Variants in NFATC2 observed in about 807,000 individuals in gnomAD.
The protein encoded by NFATC2 is nuclear factor of activated T-cells, cytoplasmic 2.
In NFATC2, 22 loss-of-function variants were observed where a neutral mutation model predicts 87.3. The ratio of observed to expected loss-of-function variants is 0.25; its 90% CI spans 0.18 to 0.36. The LOEUF is 0.36. NFATC2 is among the 10% of genes least tolerant of loss of function. The pLI, the probability that NFATC2 is intolerant of heterozygous loss-of-function variation, is 1.00. For missense variants in NFATC2, 1,149 were observed against 1,259.1 expected, an observed-to-expected ratio of 0.91 and a Z score of 1.32; for synonymous variants, 565 against 542.2, an observed-to-expected ratio of 1.04 and a Z score of -0.58.
intron 3 of NFATC2, among the ~76,000 whole-genome samples, chr20:51,487,007 A>G (rs1004261285): frequency 2.0e-5 from 3 of 152,212 alleles, no homozygotes; most frequent in Non-Finnish European, 4.4e-5. Context: ...ATGGCGAGGG[A>G]AAAGTGAGGC....
At chr20:51,541,736 C>T (rs1404991887) in intron 1 of NFATC2, among the ~76,000 whole-genome samples, 1 of 152,120 alleles carries the variant, frequency 6.6e-6, no homozygotes, top group East Asian at 1.9e-4. Flanking sequence ...CAGCAGAACC[C>T]AGGGAGGAAA....
chr20:51,528,503 C>T (rs746148230), intron 1 of NFATC2, among the ~76,000 whole-genome samples: 5 of 151,986 alleles, frequency 3.3e-5, no homozygotes, highest in Non-Finnish European at 7.3e-5. Flanking sequence ...GACAGATGTA[C>T]ACACACATAT....
At chr20:51,532,409 G>A (rs570415435) in intron 1 of NFATC2, among the ~76,000 whole-genome samples, 1 of 152,066 alleles carries the variant, frequency 6.6e-6, no homozygotes, top group African/African-American at 2.4e-5. Flanking sequence ...GGGAAGCAAG[G>A]ATCCCCCCCG....
Position 51,391,471 on chromosome 20 carries a change from G to GT in NFATC2, c.*45-21_*45-20insA, listed in dbSNP as rs759828148. 3.5e-4 allele frequency: 558 copies of GT among 1,579,194 alleles called. 2 individuals are homozygous for GT. Among genetic ancestry groups the GT allele is most frequent in the East Asian group, 1.1e-4 (5 of 44,494 alleles). On this transcript the variant is annotated intron_variant, in intron 10 of 10. Coordinates refer to ENST00000371564, the MANE Select transcript of NFATC2 (RefSeq NM_012340.5). Reference sequence around the variant, plus strand: ...CATTAACTACAAAAGAAAAGAGGAGGGGGGGGGAGAGAGAATGGGGCAAGT... The same window carrying GT: ...CATTAACTACAAAAGAAAAGAGGAGGTGGGGGGGAGAGAGAATGGGGCAAGT...
intron 5 of NFATC2, among the ~76,000 whole-genome samples, chr20:51,456,044 ATGGGTGGATGGATGGGTGGG>A: frequency 1.4e-5 from 1 of 71,606 alleles, no homozygotes; most frequent in Non-Finnish European, 2.6e-5. Flanking sequence ...GGATGGGTGG[ATGGGTGGATGGATGGGTGGG>A]TGGGTGGATG....
chr20:51,470,784 T>C (rs1171258153), intron 5 of NFATC2, among the ~76,000 whole-genome samples: 1 of 152,192 alleles, frequency 6.6e-6, no homozygotes, highest in Non-Finnish European at 1.5e-5. Flanking sequence ...CAGTAAGTAG[T>C]CAATACATAT....
intron 1 of NFATC2, among the ~76,000 whole-genome samples, chr20:51,547,830 C>G (rs1032659415): frequency 2.0e-5 from 3 of 152,122 alleles, no homozygotes; most frequent in Non-Finnish European, 2.9e-5. Flanking sequence ...CCAAATGTAA[C>G]CCAAAGCCAC....
intron 3 of NFATC2, among the ~76,000 whole-genome samples, chr20:51,479,454 C>CA (rs373226167): frequency 1.4e-3 from 209 of 152,082 alleles, no homozygotes; most frequent in African/African-American, 3.9e-3. Context: ...CCGTCTCCAC[C>CA]AAAAAAATGC....
chr20:51,398,136 A>G (rs917561876), intron 10 of NFATC2, among the ~76,000 whole-genome samples: 3 of 143,950 alleles, frequency 2.1e-5, no homozygotes, highest in Non-Finnish European at 3.0e-5. Context: ...AGCCACAACA[A>G]GGAAGCCCCC....
rs552466914 is a variant in NFATC2 at position 51,492,486 on chromosome 20, C to T, written c.1333-16826G>A. 2.6e-5 allele frequency among the ~76,000 whole-genome samples: 4 copies of T among 152,364 alleles called. No individual in the cohort carries two copies. In the East Asian group the frequency reaches 5.8e-4, roughly 22 times the overall value. On this transcript the variant is annotated intron_variant, in intron 3 of 10. Coordinates refer to ENST00000371564, the MANE Select transcript of NFATC2 (RefSeq NM_012340.5). ...GTTGGAAAACAAACAACAAAAACCC[C>T]GCCCAGCCTCATTTAATGCGAACCA... is the stretch of plus-strand genomic sequence containing the variant.
chr20:51,495,878 C>T (rs546606628), intron 3 of NFATC2, among the ~76,000 whole-genome samples: 2 of 152,302 alleles, frequency 1.3e-5, no homozygotes, highest in Non-Finnish European at 2.9e-5. Flanking sequence ...TGGATCAGAG[C>T]GGACTCCCAT....
intron 6 of NFATC2, among the ~76,000 whole-genome samples, chr20:51,445,687 A>C (rs1041198728): frequency 6.6e-6 from 1 of 152,168 alleles, no homozygotes; most frequent in Non-Finnish European, 1.5e-5. Context: ...TCCCCATCTG[A>C]AAGTGTCCTG....
rs1368835310 is a variant in NFATC2, at chr20:51,432,797, G to A, written c.2033-41C>T. ...AGCACATAGGGGCGCCCATGGCAGT[G>A]AGCCACGGATGTGCACGGAGGATTC... is the stretch of plus-strand genomic sequence containing the variant. On this transcript the variant is annotated intron_variant, in intron 8 of 10. Coordinates refer to ENST00000371564, the MANE Select transcript of NFATC2 (RefSeq NM_012340.5). The surrounding 1 kb of genome is among the most constrained non-coding windows in gnomAD (Gnocchi z 4.6). The A allele has an allele frequency of 1.3e-6, 2 of 1,503,382 alleles. No individual in the cohort carries two copies. Among genetic ancestry groups the A allele is most frequent in the Middle Eastern group, 2.4e-4 (1 of 4,176 alleles). 93.1% of individuals were successfully genotyped at this position (1,503,382 alleles called of 1,614,324 possible).
chr20:51,524,118 G>T lies in NFATC2; in HGVS notation c.131-8C>A. ...TATGTGCATTCGGCTCTTCTGGAAA[G>T]AGAAGGGGGAAGGGGGTTCTTTTTA... On this transcript the variant is annotated splice_polypyrimidine_tract_variant and splice_region_variant and intron_variant, in intron 1 of 10. Coordinates refer to ENST00000371564, the MANE Select transcript of NFATC2 (RefSeq NM_012340.5). The surrounding 1 kb of genome is among the most constrained non-coding windows in gnomAD (Gnocchi z 4.0). The T allele has an allele frequency of 1.4e-6, 2 of 1,448,492 alleles. No homozygotes were observed. The highest frequency in any genetic ancestry group is 1.8e-6 in the Non-Finnish European group (2 of 1,102,772). 89.7% of individuals were successfully genotyped at this position (1,448,492 alleles called of 1,614,324 possible).
intron 9 of NFATC2, among the ~76,000 whole-genome samples, chr20:51,409,063 T>G (rs1210667068): frequency 6.6e-6 from 1 of 152,186 alleles, no homozygotes; most frequent in African/African-American, 2.4e-5. Flanking sequence ...AGTGAAAAAA[T>G]TTAACTGTCT....
At position 51,399,854 on chromosome 20, in the gene NFATC2, A is replaced by T. The variant is rs114935254; in HGVS notation, c.2723-1124T>A. Among the ~76,000 whole-genome samples, 253 of 152,320 alleles carry T rather than the reference A, an allele frequency of 1.7e-3. 1 individual carries two copies. The highest frequency in any genetic ancestry group is 5.8e-3 in the African/African-American group (241 of 41,566). ...GTCGGATAATTCACTCAGGGCCTTA[A>T]AATACCACCTCTATCCTGACGATGG... On this transcript the variant is annotated intron_variant, in intron 9 of 10. Transcript: ENST00000371564.
intron 3 of NFATC2, among the ~76,000 whole-genome samples, chr20:51,501,147 T>A (rs1033337057): frequency 6.6e-6 from 1 of 151,936 alleles, no homozygotes; most frequent in East Asian, 2.0e-4. Context: ...GGCACTTTCA[T>A]GCAGCTTCAC....
At chr20:51,489,532 A>T (rs1190831453) in intron 3 of NFATC2, among the ~76,000 whole-genome samples, 1 of 152,240 alleles carries the variant, frequency 6.6e-6, no homozygotes, top group South Asian at 2.1e-4. Context: ...GCCCATCAGC[A>T]TCACATCAAG....
chr20:51,481,768 G>A lies in NFATC2; in HGVS notation c.1333-6108C>T, dbSNP rs747917166. Among the ~76,000 whole-genome samples, 6 of 152,158 alleles carry A rather than the reference G, an allele frequency of 3.9e-5. No homozygotes were observed. In the South Asian group the frequency reaches 6.2e-4, roughly 16 times the overall value. On this transcript the variant is annotated intron_variant, in intron 3 of 10. Transcript: ENST00000371564. ...TGTCAACTCAGCTACTTGAAAAACC[G>A]GATCTGAGGAATGACGTGTGATTTA...
Sources: allele counts gnomAD v4.1 joint callset (sites outside exome capture counted in the v4.1 genomes callset), GRCh38; gene constraint gnomAD v4.1.1; non-coding constraint Gnocchi (gnomAD v3.1); transcripts MANE v1.5; gene names NCBI Gene and HGNC (gene_info 2026-07-23, HGNC 2026-07-21).